The following DPYSL2 variants were observed in gnomAD, a reference collection of about 807,000 sequenced individuals.
The protein encoded by DPYSL2 is dihydropyrimidinase like 2.
A neutral mutation model predicts 69.9 loss-of-function variants in DPYSL2; 13 were observed. The ratio of observed to expected loss-of-function variants is 0.19; its 90% CI spans 0.12 to 0.30. The LOEUF is 0.30. Ranked by LOEUF, DPYSL2 falls within the 10% of genes least tolerant of loss-of-function variation. DPYSL2 has a pLI of 1.00. For synonymous variants in DPYSL2, 326 were observed against 359.1 expected (o/e 0.91, Z 1.04); for missense variants, 587 against 918.9 (o/e 0.64, Z 4.67).
intron 7 of DPYSL2, among the ~76,000 whole-genome samples, chr8:26,631,380 TA>T (rs1485703012): frequency 2.0e-5 from 3 of 152,158 alleles, no homozygotes; most frequent in Admixed American, 2.0e-4. Context: ...CTGCCACTTT[TA>T]AACCATCAGA....
chr8:26,592,303 C>T (rs1801744692), intron 3 of DPYSL2, among the ~76,000 whole-genome samples: 1 of 152,110 alleles, frequency 6.6e-6, no homozygotes, highest in Non-Finnish European at 1.5e-5. Context: ...TAGGTGTGCA[C>T]CACTACACCC....
In DPYSL2 at chr8:26,652,492, C is replaced by T. The variant is rs1181257995; in HGVS notation, c.1776+56C>T. On this transcript the variant is annotated intron_variant, in intron 12 of 13. Coordinates refer to ENST00000521913, the MANE Select transcript of DPYSL2 (RefSeq NM_001197293.3). The surrounding 1 kb of genome is among the most constrained non-coding windows in gnomAD (Gnocchi z 6.3). The stretch of plus-strand genomic sequence containing the variant: ...TTAAATCACGAATTAAGTTCAAGGC[C>T]ACAAACATTTATTAAGCACCTTGAG... The T allele has an allele frequency of 6.6e-7, 1 of 1,525,898 alleles. No homozygotes were observed. Among genetic ancestry groups the T allele is most frequent in the Non-Finnish European group, 8.9e-7 (1 of 1,120,620 alleles). The allele number at this position is 1,525,898 out of a possible 1,614,324, so 94.5% of individuals were successfully genotyped here.
Position 26,609,205 on chromosome 8 carries a change from C to T in DPYSL2, c.629-14938C>T, listed in dbSNP as rs1310874950. On this transcript the variant is annotated intron_variant, in intron 3 of 13. Transcript: ENST00000521913. The surrounding 1 kb of genome is among the most constrained non-coding windows in gnomAD (Gnocchi z 6.5). Reference sequence around the variant, plus strand: ...TGAGCATCACCTCATTTATTTCAACCCATATTTGTACAGAAGGATTTTTGT... The same window carrying T: ...TGAGCATCACCTCATTTATTTCAACTCATATTTGTACAGAAGGATTTTTGT... Among the ~76,000 whole-genome samples the T allele has an allele frequency of 6.6e-6, 1 of 152,136 alleles. No individual in the cohort carries two copies.
Position 26,591,002 on chromosome 8 carries a change from TATC to T in DPYSL2, c.628+7022_628+7024del, listed in dbSNP as rs1381319535. Among the ~76,000 whole-genome samples, 1 of 152,198 alleles carries T rather than the reference TATC, an allele frequency of 6.6e-6. No individual in the cohort carries two copies. ...TCTGTTTCGTGGACATTGTGGCAGT[TATC>T]ATACTGTCCCAGGGTTTCTTGCCCC... On this transcript the variant is annotated intron_variant, in intron 3 of 13. Transcript: ENST00000521913. This position sits in a 1 kb window ranked among gnomAD's most constrained non-coding sequence, Gnocchi z 5.8.
At chr8:26,540,540 G>A (rs1479426550) in intron 1 of DPYSL2, among the ~76,000 whole-genome samples, 5 of 152,094 alleles carry the variant, frequency 3.3e-5, no homozygotes, top group African/African-American at 9.7e-5. Context: ...GATCAACCAC[G>A]GAAGACTACA....
chr8:26,568,540 A>G lies in DPYSL2; in HGVS notation c.355-13429A>G, dbSNP rs564617065. On this transcript the variant is annotated intron_variant, in intron 1 of 13. Transcript: ENST00000521913. ...AAGGTCAGAATTTTGTTAAATCTTT[A>G]CAATATCCAAATGGACTACTTTCAA... is the stretch of plus-strand genomic sequence containing the variant. Among the ~76,000 whole-genome samples, 4 of 152,342 alleles carry G rather than the reference A, an allele frequency of 2.6e-5. No homozygotes were observed. In the East Asian group the frequency reaches 7.7e-4, roughly 29 times the overall value.
At chr8:26,579,254 G>A (rs2584184) in intron 1 of DPYSL2, among the ~76,000 whole-genome samples, 40,490 of 152,170 alleles carry the variant, frequency 0.27, 5,482 homozygotes, top group South Asian at 0.38. Context: ...GAAAACGTCT[G>A]TGCCGTGAAT....
Position 26,568,579 on chromosome 8 carries a change from A to G in DPYSL2, c.355-13390A>G, listed in dbSNP as rs544010514. 6.6e-5 allele frequency among the ~76,000 whole-genome samples: 10 copies of G among 152,328 alleles called. No individual in the cohort carries two copies. In the East Asian group the frequency reaches 1.9e-3, roughly 29 times the overall value. ...GACTACTTTCAAGCATTCACAGACT[A>G]AGCTAATAAATTGCCCCAAAGTGTC... On this transcript the variant is annotated intron_variant, in intron 1 of 13. Coordinates refer to ENST00000521913, the MANE Select transcript of DPYSL2 (RefSeq NM_001197293.3).
At chr8:26,520,418 T>A (rs1359486454) in intron 1 of DPYSL2, among the ~76,000 whole-genome samples, 1 of 152,026 alleles carries the variant, frequency 6.6e-6, no homozygotes, top group Non-Finnish European at 1.5e-5. Context: ...ATATTAATTA[T>A]TTTTTCTCAT....
chr8:26,638,317 T>C (rs2129954712), intron 8 of DPYSL2, among the ~76,000 whole-genome samples: 1 of 152,244 alleles, frequency 6.6e-6, no homozygotes, highest in East Asian at 1.9e-4. Flanking sequence ...GTAAGCAGAC[T>C]CGAAATTTTG....
chr8:26,583,414 A>C (rs1801531898), intron 2 of DPYSL2, among the ~76,000 whole-genome samples: 1 of 152,062 alleles, frequency 6.6e-6, no homozygotes, highest in Non-Finnish European at 1.5e-5. Context: ...GATAAAAATA[A>C]ATGTTTGGAA....
intron 1 of DPYSL2, among the ~76,000 whole-genome samples, chr8:26,532,537 C>A (rs539190929): frequency 6.6e-6 from 1 of 152,302 alleles, no homozygotes; most frequent in African/African-American, 2.4e-5. Context: ...ATTTCTTCCA[C>A]CCCTAGCCCC....
rs1035616396 is a variant in DPYSL2, at chr8:26,517,785, G to A, written c.354+3106G>A. 2.0e-5 allele frequency among the ~76,000 whole-genome samples: 3 copies of A among 152,206 alleles called. No homozygotes were observed. Among genetic ancestry groups the A allele is most frequent in the African/African-American group, 4.8e-5 (2 of 41,452 alleles). Reference sequence around the variant, plus strand: ...TCTCCTCCTCTCCAGGGCAGGTGCCGCTGAATGAACTGCACAGTGCTGCTG... The same window carrying A: ...TCTCCTCCTCTCCAGGGCAGGTGCCACTGAATGAACTGCACAGTGCTGCTG... On this transcript the variant is annotated intron_variant, in intron 1 of 13. Coordinates refer to ENST00000521913, the MANE Select transcript of DPYSL2 (RefSeq NM_001197293.3). The surrounding 1 kb of genome is among the most constrained non-coding windows in gnomAD (Gnocchi z 4.2).
chr8:26,628,020 T>C lies in DPYSL2; in HGVS notation c.1005+80T>C, dbSNP rs1802660031. On this transcript the variant is annotated intron_variant, in intron 7 of 13. Transcript: ENST00000521913. ...AGCCTCAGGGAACCTGCTTCCTGCCTGTTGAGAAGGGGGCTTCTCTGATGC... is the reference window on the plus strand; with the variant it reads ...AGCCTCAGGGAACCTGCTTCCTGCCCGTTGAGAAGGGGGCTTCTCTGATGC... 1.8e-5 allele frequency: 26 copies of C among 1,424,334 alleles called. No individual in the cohort carries two copies. The South Asian group carries it at 3.0e-4, about 17-fold the overall frequency. The allele number at this position is 1,424,334 out of a possible 1,614,324, so 88.2% of individuals were successfully genotyped here. A position where few individuals can be genotyped will look rare whatever the true frequency, so the allele number is the denominator to read the frequency against.
chr8:26,527,790 C>G (rs1157816459), intron 1 of DPYSL2, among the ~76,000 whole-genome samples: 1 of 142,438 alleles, frequency 7.0e-6, no homozygotes, highest in Non-Finnish European at 1.5e-5. Context: ...ATGTATGGTT[C>G]TTATTTGTTT....
intron 1 of DPYSL2, among the ~76,000 whole-genome samples, chr8:26,531,416 G>A (rs992713582): frequency 6.6e-6 from 1 of 152,136 alleles, no homozygotes; most frequent in African/African-American, 2.4e-5. Flanking sequence ...AGATTTTAGG[G>A]CTGGAGATAG....
At position 26,648,575 on chromosome 8, in the gene DPYSL2, A is replaced by AAACTG. The variant is rs1441790003; in HGVS notation, c.1596+777_1596+778insCTGAA. 6.6e-6 allele frequency among the ~76,000 whole-genome samples: 1 copy of AAACTG among 152,246 alleles called. No homozygotes were observed. The highest frequency in any genetic ancestry group is 1.5e-5 in the Non-Finnish European group (1 of 68,044). On this transcript the variant is annotated intron_variant, in intron 11 of 13. Transcript: ENST00000521913. This position sits in a 1 kb window ranked among gnomAD's most constrained non-coding sequence, Gnocchi z 4.3. ...TCACAAGCAACATGGTATAGGCAGA[A>AAACTG]AAACTGAAGGAATATGCCCAGAGGG...
At chr8:26,616,277 A>G (rs1453114489) in intron 3 of DPYSL2, among the ~76,000 whole-genome samples, 1 of 151,936 alleles carries the variant, frequency 6.6e-6, no homozygotes, top group East Asian at 1.9e-4. Flanking sequence ...GAGCAAAACC[A>G]CGTTATCCTA....
At chr8:26,557,199 G>GACTTCAAAAGTAAAAAACCTATT (rs58015444) in intron 1 of DPYSL2, among the ~76,000 whole-genome samples, 1 of 150,948 alleles carries the variant, frequency 6.6e-6, no homozygotes, top group Admixed American at 6.6e-5. Flanking sequence ...TGATAAGCTG[G>GACTTCAAAAGTAAAAAACCTATT]ACTTCAAAAG....
Sources: gnomAD v4.1 joint callset for allele counts (sites outside exome capture counted in the v4.1 genomes callset) on GRCh38, gnomAD v4.1.1 for gene constraint, Gnocchi (gnomAD v3.1) non-coding constraint, MANE v1.5 for transcripts, NCBI Gene and HGNC (gene_info 2026-07-23, HGNC 2026-07-21) for gene names.